Variants in CTNNBIP1 observed in about 807,000 individuals in gnomAD.
CTNNBIP1 encodes beta-catenin-interacting protein 1.
A neutral mutation model predicts 11.8 loss-of-function variants in CTNNBIP1; 7 were observed. The ratio of observed to expected loss-of-function variants is 0.60; its 90% CI spans 0.34 to 1.12. The LOEUF is 1.12. Among genes scored for constraint, CTNNBIP1 ranks in the 50% most tolerant of loss-of-function variants. CTNNBIP1 has a pLI of 0.03. For missense variants in CTNNBIP1, 101 were observed against 113.4 expected, an observed-to-expected ratio of 0.89 and a Z score of 0.50; for synonymous variants, 58 against 43.9, an observed-to-expected ratio of 1.32 and a Z score of -1.26.
At chr1:9,904,707 C>T (rs1639585221) in intron 1 of CTNNBIP1, among the ~76,000 whole-genome samples, 1 of 152,132 alleles carries the variant, frequency 6.6e-6, no homozygotes, top group South Asian at 2.1e-4. Context: ...GTCGCTGATG[C>T]ATTTATGAAG....
chr1:9,894,866 G>A (rs1639377086), intron 1 of CTNNBIP1, among the ~76,000 whole-genome samples: 2 of 148,390 alleles, frequency 1.3e-5, no homozygotes, highest in Admixed American at 1.3e-4. Flanking sequence ...TCAGCCTCCT[G>A]ACTAGCTAGG....
In CTNNBIP1 at chr1:9,863,795, A is replaced by C. The variant is rs1199049753; in HGVS notation, c.187+7392T>G. Among the ~76,000 whole-genome samples the C allele has an allele frequency of 3.9e-5, 6 of 152,256 alleles. No individual in the cohort carries two copies. The East Asian group carries it at 1.2e-3, about 29-fold the overall frequency. On this transcript the variant is annotated intron_variant, in intron 5 of 5. Coordinates refer to ENST00000377263, the MANE Select transcript of CTNNBIP1 (RefSeq NM_020248.3). ...AGAGGCTGGAAGGCTGTTATGGGGG[A>C]TTCCAGGAAGAACTTTCCACACTGA...
chr1:9,908,870 C>G (rs1639674031), intron 1 of CTNNBIP1, among the ~76,000 whole-genome samples: 1 of 152,222 alleles, frequency 6.6e-6, no homozygotes, highest in Non-Finnish European at 1.5e-5. Flanking sequence ...TAAATGCTCA[C>G]TACTGAATGA....
intron 5 of CTNNBIP1, among the ~76,000 whole-genome samples, chr1:9,864,389 C>T (rs1000138706): frequency 7.2e-5 from 11 of 152,208 alleles, no homozygotes; most frequent in Admixed American, 1.3e-4. Context: ...AGTGCAGTGG[C>T]GCGATCTCGG....
chr1:9,850,654 GC>G lies in CTNNBIP1; in HGVS notation c.*63del. 1.3e-6 allele frequency: 2 copies of G among 1,504,750 alleles called. No homozygotes were observed. Among genetic ancestry groups the G allele is most frequent in the East Asian group, 2.3e-5 (1 of 44,264 alleles). The allele number at this position is 1,504,750 out of a possible 1,614,324, so 93.2% of individuals were successfully genotyped here. A position where few individuals can be genotyped will look rare whatever the true frequency, so the allele number is the denominator to read the frequency against. ...AAGGGGGGCTGCTGCCACTCAGCCG[GC>G]CCAGGAGCCACACAGATCTCTTGGC... On this transcript the variant is annotated 3_prime_UTR_variant, in exon 6 of 6. Transcript: ENST00000377263.
chr1:9,886,841 A>C (rs1227973110), intron 1 of CTNNBIP1, among the ~76,000 whole-genome samples: 1 of 152,124 alleles, frequency 6.6e-6, no homozygotes, highest in African/African-American at 2.4e-5. Flanking sequence ...TGCCAGAGGG[A>C]ATTTCCACAC....
intron 5 of CTNNBIP1, among the ~76,000 whole-genome samples, chr1:9,853,291 C>T (rs1638429648): frequency 6.6e-6 from 1 of 152,260 alleles, no homozygotes; most frequent in Admixed American, 6.5e-5. Context: ...CCAGAGCATT[C>T]TCTGACCTAC....
chr1:9,863,035 C>T (rs1638666048), intron 5 of CTNNBIP1, among the ~76,000 whole-genome samples: 2 of 152,172 alleles, frequency 1.3e-5, no homozygotes, highest in Non-Finnish European at 2.9e-5. Flanking sequence ...CAACAGAACC[C>T]ATGACGCGGG....
chr1:9,870,354 C>T (rs1638835973), intron 5 of CTNNBIP1, among the ~76,000 whole-genome samples: 1 of 152,218 alleles, frequency 6.6e-6, no homozygotes, highest in African/African-American at 2.4e-5. Context: ...TCATGAGAAG[C>T]CTTCTAGAGA....
intron 1 of CTNNBIP1, among the ~76,000 whole-genome samples, chr1:9,908,127 C>T (rs1047015431): frequency 2.6e-5 from 4 of 152,170 alleles, no homozygotes; most frequent in Non-Finnish European, 2.9e-5. Context: ...GGCGCAATCT[C>T]GGCTCACCGC....
At chr1:9,887,998 AT>A (rs1466470370) in intron 1 of CTNNBIP1, among the ~76,000 whole-genome samples, 6 of 151,630 alleles carry the variant, frequency 4.0e-5, no homozygotes. Flanking sequence ...TAATTTTTGT[AT>A]TCTTAGTAAA....
intron 1 of CTNNBIP1, among the ~76,000 whole-genome samples, chr1:9,896,384 C>A (rs916240979): frequency 1.3e-5 from 2 of 152,208 alleles, no homozygotes; most frequent in Middle Eastern, 3.4e-3. Flanking sequence ...GAAAACAGTG[C>A]GAGAAGAAAA....
Position 9,850,584 on chromosome 1 carries a change from GGGT to G in CTNNBIP1, c.*131_*133del. 1.4e-6 allele frequency: 1 copy of G among 734,174 alleles called. No individual in the cohort carries two copies. The highest frequency in any genetic ancestry group is 2.5e-6 in the Non-Finnish European group (1 of 407,514). 45.5% of individuals were successfully genotyped at this position (734,174 alleles called of 1,614,324 possible). ...AGCCCCACTGAGTAGCTGTGAGGTG[GGGT>G]GGGGCAGGGCAGGGTTGGGTAGGGG... On this transcript the variant is annotated 3_prime_UTR_variant, in exon 6 of 6. Coordinates refer to ENST00000377263, the MANE Select transcript of CTNNBIP1 (RefSeq NM_020248.3).
chr1:9,870,550 G>A (rs915353174), intron 5 of CTNNBIP1, among the ~76,000 whole-genome samples: 1 of 152,222 alleles, frequency 6.6e-6, no homozygotes, highest in African/African-American at 2.4e-5. Context: ...TGCCTGTTAA[G>A]TGGAAGTATT....
chr1:9,888,549 CAA>C (rs560557231), intron 1 of CTNNBIP1, among the ~76,000 whole-genome samples: 11 of 132,974 alleles, frequency 8.3e-5, no homozygotes, highest in African/African-American at 1.4e-4. Context: ...AAGACTGCCT[CAA>C]AAAAAAAAAA....
At chr1:9,875,446 C>T (rs1003117136) in intron 3 of CTNNBIP1, among the ~76,000 whole-genome samples, 2 of 152,228 alleles carry the variant, frequency 1.3e-5, no homozygotes, top group African/African-American at 4.8e-5. Context: ...AACAAGCCTT[C>T]TATGAACAGC....
intron 1 of CTNNBIP1, among the ~76,000 whole-genome samples, chr1:9,897,828 T>C (rs1241407172): frequency 6.6e-6 from 1 of 151,118 alleles, no homozygotes; most frequent in African/African-American, 2.4e-5. Context: ...ATAAAAGAAA[T>C]AAAAAAATTT....
intron 2 of CTNNBIP1, among the ~76,000 whole-genome samples, chr1:9,881,262 T>C (rs960681424): frequency 2.7e-5 from 4 of 150,866 alleles, no homozygotes; most frequent in African/African-American, 4.9e-5. Context: ...CTTGAACTCC[T>C]GGGCTCAAGC....
Position 9,871,614 on chromosome 1 carries a change from G to A in CTNNBIP1, c.97-337C>T, listed in dbSNP as rs1036203998. ...CTTTTTGAGAAATACCCCTGCACAT[G>A]CATGCCTGCTGCCCCCTCAGCTCCT... On this transcript the variant is annotated intron_variant, in intron 4 of 5. Transcript: ENST00000377263. This position sits in a 1 kb window ranked among gnomAD's most constrained non-coding sequence, Gnocchi z 5.2. 6.6e-6 allele frequency among the ~76,000 whole-genome samples: 1 copy of A among 152,168 alleles called. No individual in the cohort carries two copies. Among genetic ancestry groups the A allele is most frequent in the Non-Finnish European group, 1.5e-5 (1 of 68,028 alleles).
Sources: allele counts gnomAD v4.1 joint callset (sites outside exome capture counted in the v4.1 genomes callset), GRCh38; gene constraint gnomAD v4.1.1; non-coding constraint Gnocchi (gnomAD v3.1); transcripts MANE v1.5; gene names NCBI Gene and HGNC (gene_info 2026-07-23, HGNC 2026-07-21).